The following VPS54 variants were observed in gnomAD, a reference collection of about 807,000 sequenced individuals.
VPS54 encodes vacuolar protein sorting-associated protein 54.
In VPS54, 45 loss-of-function variants were observed where a neutral mutation model predicts 121.5. That is an observed-to-expected ratio of 0.37 (90% confidence interval 0.29 to 0.47). The LOEUF (loss-of-function observed/expected upper bound fraction) is 0.47, where lower values mean the gene tolerates loss of function less well. Among genes scored for constraint, VPS54 ranks in the 20% least tolerant of loss-of-function variants. The pLI is 0.99. For synonymous variants in VPS54, 371 were observed against 385.8 expected, an observed-to-expected ratio of 0.96 and a Z score of 0.45; for missense variants, 1,090 against 1,131.4, an observed-to-expected ratio of 0.96 and a Z score of 0.52.
chr2:63,919,528 T>C (rs1421023608), intron 15 of VPS54, among the ~76,000 whole-genome samples: 1 of 151,994 alleles, frequency 6.6e-6, no homozygotes, highest in Non-Finnish European at 1.5e-5. Context: ...ATAAAGCTGG[T>C]TTCAAATCCC....
At chr2:63,945,363 G>C (rs1350132551) in intron 9 of VPS54, among the ~76,000 whole-genome samples, 1 of 152,144 alleles carries the variant, frequency 6.6e-6, no homozygotes, top group Non-Finnish European at 1.5e-5. Context: ...ACACATAGAG[G>C]GGAACACCAC....
chr2:63,906,382 G>A (rs1166340042), intron 20 of VPS54, among the ~76,000 whole-genome samples: 1 of 151,978 alleles, frequency 6.6e-6, no homozygotes, highest in Non-Finnish European at 1.5e-5. Flanking sequence ...TATTAGCATT[G>A]AATAATTGGA....
intron 9 of VPS54, 140 bp from the exon 10 acceptor site, chr2:63,944,795 C>T (rs551939620): frequency 2.1e-5 from 13 of 621,344 alleles, no homozygotes; most frequent in African/African-American, 1.9e-4. Flanking sequence ...ATGTGGCCAA[C>T]ATAACTGATC....
At chr2:63,978,178 G>A (rs1006759286) in intron 3 of VPS54, among the ~76,000 whole-genome samples, 43 of 152,166 alleles carry the variant, frequency 2.8e-4, no homozygotes, top group Non-Finnish European at 1.3e-4. Flanking sequence ...TTGTGAGAAC[G>A]GAAGTGACAA....
intron 7 of VPS54, among the ~76,000 whole-genome samples, chr2:63,954,954 G>C (rs1221121009): frequency 1.3e-5 from 2 of 151,902 alleles, no homozygotes; most frequent in Non-Finnish European, 1.5e-5. Flanking sequence ...GATATTATTT[G>C]GACCCTGATT....
intron 12 of VPS54, among the ~76,000 whole-genome samples, chr2:63,928,103 A>C (rs1343138226): frequency 6.6e-6 from 1 of 152,238 alleles, no homozygotes; most frequent in Non-Finnish European, 1.5e-5. Flanking sequence ...GATACTATCC[A>C]GCAGAACTTC....
At chr2:63,987,116 G>C (rs1040728511) in intron 1 of VPS54, among the ~76,000 whole-genome samples, 1 of 152,080 alleles carries the variant, frequency 6.6e-6, no homozygotes, top group Non-Finnish European at 1.5e-5. Context: ...CTGTGCTTGT[G>C]GGGTATTTAT....
intron 15 of VPS54, 104 bp from the exon 16 acceptor site, chr2:63,917,067 T>G (rs1479499567): frequency 5.4e-6 from 6 of 1,119,084 alleles, no homozygotes; most frequent in Non-Finnish European, 7.9e-6. Context: ...AACTCTCATT[T>G]CTGAAAATAA....
intron 22 of VPS54, among the ~76,000 whole-genome samples, chr2:63,895,283 G>A (rs544734331): frequency 2.6e-5 from 4 of 152,068 alleles, no homozygotes; most frequent in Admixed American, 1.3e-4. Context: ...TGGTAAAACC[G>A]TCTCTACTAA....
chr2:63,935,809 T>A (rs1674427647), intron 11 of VPS54, among the ~76,000 whole-genome samples: 1 of 152,136 alleles, frequency 6.6e-6, no homozygotes, highest in Admixed American at 6.6e-5. Flanking sequence ...GTTCAATCAA[T>A]TAAAGCCAAG....
At chr2:63,918,465 T>G (rs1673485351) in intron 15 of VPS54, among the ~76,000 whole-genome samples, 1 of 111,614 alleles carries the variant, frequency 9.0e-6, no homozygotes, top group Non-Finnish European at 1.9e-5. Flanking sequence ...AATTTTAAAC[T>G]AGTGATTTGG....
At position 63,913,248 on chromosome 2, in the gene VPS54, T is replaced by C. The variant is rs1437556361; in HGVS notation, c.2397A>G (p.Leu799=). The C allele has an allele frequency of 6.2e-7, 1 of 1,610,672 alleles. No homozygotes were observed. The highest frequency in any genetic ancestry group is 8.5e-7 in the Non-Finnish European group (1 of 1,178,652). Residue 799 remains leucine (L), a synonymous_variant, in exon 18 of 23, where the codon CTA becomes CTG. Transcript: ENST00000272322. ...CCAAATTTTTTGTAGTTATCGTTTTTAGTCCAACAACTTGCAGTGCACCAG... is the reference window on the plus strand; with the variant it reads ...CCAAATTTTTTGTAGTTATCGTTTTCAGTCCAACAACTTGCAGTGCACCAG... The part of the protein sequence containing the change: ...LGAGALQVVG[L]KTITTKNLAL...
At chr2:63,978,107 T>C (rs909874998) in intron 3 of VPS54, among the ~76,000 whole-genome samples, 1 of 152,254 alleles carries the variant, frequency 6.6e-6, no homozygotes, top group African/African-American at 2.4e-5. Context: ...CCTGTGCCCC[T>C]GGGCTGCGAC....
intron 16 of VPS54, among the ~76,000 whole-genome samples, chr2:63,914,773 A>G (rs1362784482): frequency 7.1e-6 from 1 of 140,602 alleles, no homozygotes; most frequent in East Asian, 2.0e-4. Flanking sequence ...AGTGAGATGG[A>G]AAAAAAAAAA....
rs1672268621 is a variant in VPS54 at position 63,892,658 on chromosome 2, C to T, written c.*772G>A. 6.6e-6 allele frequency: 1 copy of T among 152,418 alleles called. No individual in the cohort carries two copies. Among genetic ancestry groups the T allele is most frequent in the African/African-American group, 2.4e-5 (1 of 41,370 alleles). 9.4% of individuals were successfully genotyped at this position (152,418 alleles called of 1,614,324 possible). On this transcript the variant is annotated 3_prime_UTR_variant, in exon 23 of 23. Coordinates refer to ENST00000272322, the MANE Select transcript of VPS54 (RefSeq NM_016516.3). ...CCTTCATCATACTTTTATAAAAATA[C>T]AGATATTAAACTGTAGCCTTTTATA...
At chr2:63,902,871 G>C (rs1456596409) in intron 20 of VPS54, among the ~76,000 whole-genome samples, 3 of 152,210 alleles carry the variant, frequency 2.0e-5, no homozygotes, top group Admixed American at 6.5e-5. Flanking sequence ...CAGAGGCTGA[G>C]ACCTGAGAAT....
chr2:63,896,088 C>G (rs1179673909), intron 22 of VPS54, among the ~76,000 whole-genome samples: 1 of 152,196 alleles, frequency 6.6e-6, no homozygotes, highest in African/African-American at 2.4e-5. Context: ...TTTTCAGGAG[C>G]AGGTCTCTTA....
At chr2:63,893,804 A>C (rs1672327909) in intron 22 of VPS54, among the ~76,000 whole-genome samples, 1 of 152,208 alleles carries the variant, frequency 6.6e-6, no homozygotes, top group Admixed American at 6.5e-5. Context: ...AATCAGATTT[A>C]TCTTGAAACA....
rs890356730 is a variant in VPS54 at position 63,892,917 on chromosome 2, A to G, written c.*513T>C. The G allele has an allele frequency of 6.5e-6, 1 of 153,724 alleles. No individual in the cohort carries two copies. Among genetic ancestry groups the G allele is most frequent in the African/African-American group, 2.4e-5 (1 of 41,448 alleles). 9.5% of individuals were successfully genotyped at this position (153,724 alleles called of 1,614,324 possible). ...ATTCCTAAATCCAAGCAATCAAAAG[A>G]TGTTTATTTTTTATAGAAAGATCTG... On this transcript the variant is annotated 3_prime_UTR_variant, in exon 23 of 23. Coordinates refer to ENST00000272322, the MANE Select transcript of VPS54 (RefSeq NM_016516.3).
Sources: gnomAD v4.1 joint callset for allele counts (sites outside exome capture counted in the v4.1 genomes callset) on GRCh38, gnomAD v4.1.1 for gene constraint, MANE v1.5 for transcripts, NCBI Gene and HGNC (gene_info 2026-07-23, HGNC 2026-07-21) for gene names.